EXOC4: variants seen among roughly 807,000 people sequenced by gnomAD.
The protein encoded by EXOC4 is SEC8-like 1.
A neutral mutation model predicts 107.2 loss-of-function variants in EXOC4; 71 were observed. That is an observed-to-expected ratio of 0.66 (90% confidence interval 0.55 to 0.81). EXOC4 has a LOEUF of 0.81. Among genes scored for constraint, EXOC4 ranks in the 30% least tolerant of loss-of-function variants. The pLI, the probability that EXOC4 is intolerant of heterozygous loss-of-function variation, is 0.00. For missense variants in EXOC4, 1,108 were observed against 1,189.6 expected (o/e 0.93, Z 1.01); for synonymous variants, 456 against 441.2 (o/e 1.03, Z -0.42).
At position 134,004,930 on chromosome 7, in the gene EXOC4, T is replaced by A. The variant is rs1326632134; in HGVS notation, c.2367T>A (p.Tyr789Ter). The change falls in exon 16 of 18, where the codon TAT becomes TAA. Residue 789 changes from tyrosine (Y) to a stop codon, truncating the protein, a stop_gained. Coordinates refer to ENST00000253861, the MANE Select transcript of EXOC4 (RefSeq NM_021807.4). LOFTEE classifies it high-confidence loss of function. ...HLEVRVHCFHYLIPLAKEGNY... is the reference protein window; with the variant it reads ...HLEVRVHCFH ...TTTTCAGGGTTCACTGTTTCCACTA[T>A]CTTATCCCTCTTGCAAAGGAGGGGA... 1.2e-6 allele frequency: 2 copies of A among 1,613,212 alleles called. No individual in the cohort carries two copies. Among genetic ancestry groups the A allele is most frequent in the Non-Finnish European group, 1.7e-6 (2 of 1,179,428 alleles).
intron 5 of EXOC4, among the ~76,000 whole-genome samples, chr7:133,346,951 C>A (rs888080462): frequency 1.3e-5 from 2 of 151,924 alleles, no homozygotes; most frequent in African/African-American, 2.4e-5. Context: ...AGTATATCAC[C>A]AGGGCCCTTA....
rs541740108 is a variant in EXOC4 at position 133,476,111 on chromosome 7, A to G, written c.1328+638A>G. 7.2e-5 allele frequency among the ~76,000 whole-genome samples: 11 copies of G among 152,310 alleles called. 1 individual carries two copies. In the East Asian group the frequency reaches 1.9e-3, roughly 27 times the overall value. On this transcript the variant is annotated intron_variant, in intron 8 of 17. Coordinates refer to ENST00000253861, the MANE Select transcript of EXOC4 (RefSeq NM_021807.4). ...TTTCCCAAAATAATCTCAGTTAAAC[A>G]TACTTTAAATTTGAGTATACTAAAT...
intron 2 of EXOC4, among the ~76,000 whole-genome samples, chr7:133,275,503 C>G (rs778988742): frequency 7.2e-5 from 11 of 152,186 alleles, no homozygotes; most frequent in Non-Finnish European, 1.2e-4. Flanking sequence ...TTGTATTCTC[C>G]ATTCTCATTC....
At chr7:133,615,658 A>G (rs1353804673) in intron 9 of EXOC4, among the ~76,000 whole-genome samples, 1 of 152,124 alleles carries the variant, frequency 6.6e-6, no homozygotes, top group Non-Finnish European at 1.5e-5. Context: ...CGATTGAGAT[A>G]AAAAGTGTTT....
At chr7:133,684,510 G>A (rs1212736181) in intron 10 of EXOC4, among the ~76,000 whole-genome samples, 1 of 151,872 alleles carries the variant, frequency 6.6e-6, no homozygotes, top group East Asian at 1.9e-4. Context: ...CTATGTCTAA[G>A]AAAATGCAAG....
chr7:133,823,874 A>T (rs1426275868), intron 11 of EXOC4, among the ~76,000 whole-genome samples: 15 of 9,066 alleles, frequency 1.7e-3, no homozygotes, highest in South Asian at 4.6e-3. Context: ...TATATATATT[A>T]TATATATATA....
At chr7:133,674,295 C>T (rs1475249449) in intron 10 of EXOC4, among the ~76,000 whole-genome samples, 3 of 152,104 alleles carry the variant, frequency 2.0e-5, no homozygotes, top group East Asian at 3.9e-4. Flanking sequence ...CATTCCCCAC[C>T]CAGTGGGCTT....
At chr7:134,099,244 G>A in the EXOC4 span, among the ~76,000 whole-genome samples, 3 of 152,064 alleles carry the variant, frequency 2.0e-5, no homozygotes, top group African/African-American at 7.2e-5. Flanking sequence ...CCAACATTGT[G>A]GCACTTTGGC....
intron 10 of EXOC4, among the ~76,000 whole-genome samples, chr7:133,786,700 T>C (rs935040084): frequency 3.9e-5 from 6 of 152,226 alleles, no homozygotes; most frequent in Non-Finnish European, 5.9e-5. Flanking sequence ...CTGACCTTTA[T>C]TCAACTGTTT....
chr7:133,369,800 C>CTTTTTTTTTTTTTTTTTTTTTTTTTTTTT (rs35258276), intron 6 of EXOC4, among the ~76,000 whole-genome samples: 3 of 86,640 alleles, frequency 3.5e-5, no homozygotes, highest in Non-Finnish European at 6.4e-5. Flanking sequence ...ACTAGATTTC[C>CTTTTTTTTTTTTTTTTTTTTTTTTTTTTT]TTTTTTTTTT....
intron 9 of EXOC4, among the ~76,000 whole-genome samples, chr7:133,499,704 C>T (rs1028077728): frequency 2.6e-5 from 4 of 152,086 alleles, no homozygotes; most frequent in African/African-American, 4.8e-5. Context: ...GCGGAGTTCT[C>T]GTGTAAGCTT....
intron 9 of EXOC4, among the ~76,000 whole-genome samples, chr7:133,544,229 T>A (rs1350695256): frequency 8.7e-6 from 1 of 115,418 alleles, no homozygotes; most frequent in Non-Finnish European, 1.9e-5. Context: ...TTCTTTGAAT[T>A]TTTTTTTCAG....
chr7:133,281,955 G>C (rs2150534286), intron 2 of EXOC4, among the ~76,000 whole-genome samples: 1 of 152,108 alleles, frequency 6.6e-6, no homozygotes, highest in East Asian at 1.9e-4. Flanking sequence ...TGCCCAACTT[G>C]GCCTCCCAAA....
intron 6 of EXOC4, 144 bp downstream of exon 6, chr7:133,356,717 A>C: frequency 5.2e-5 from 49 of 947,638 alleles, no homozygotes; most frequent in Non-Finnish European, 6.8e-5. Context: ...GCAGTGGCTC[A>C]CGCCTGTTAT....
the EXOC4 span, among the ~76,000 whole-genome samples, chr7:134,078,343 T>C: frequency 6.6e-6 from 1 of 151,312 alleles, no homozygotes; most frequent in Non-Finnish European, 1.5e-5. Flanking sequence ...ATCTATAATA[T>C]TATAGAGATT....
chr7:133,866,557 A>G (rs186722385), intron 11 of EXOC4, among the ~76,000 whole-genome samples: 78 of 152,280 alleles, frequency 5.1e-4, no homozygotes, highest in East Asian at 3.1e-3. Flanking sequence ...AGGCTGGGCA[A>G]TGGGATTGGT....
chr7:133,630,376 C>G (rs568738084), intron 10 of EXOC4, among the ~76,000 whole-genome samples: 3 of 152,064 alleles, frequency 2.0e-5, no homozygotes, highest in Non-Finnish European at 4.4e-5. Context: ...TTCACACTCG[C>G]TACCTCTGTC....
intron 11 of EXOC4, among the ~76,000 whole-genome samples, chr7:133,884,355 G>A (rs554530236): frequency 6.6e-6 from 1 of 152,210 alleles, no homozygotes; most frequent in African/African-American, 2.4e-5. Flanking sequence ...CCTCCACCTG[G>A]CAACCTTAAT....
rs79597467 is a variant in EXOC4, at chr7:133,826,459, G to A, written c.1734+8915G>A. On this transcript the variant is annotated intron_variant, in intron 11 of 17. Transcript: ENST00000253861. Reference sequence around the variant, plus strand: ...GACCTTAGACAAGTCCAAGCTACTTGTCTTGTCTGAGCTTCCCCTCTCTCA... The same window carrying A: ...GACCTTAGACAAGTCCAAGCTACTTATCTTGTCTGAGCTTCCCCTCTCTCA... Among the ~76,000 whole-genome samples, 734 of 152,232 alleles carry A rather than the reference G, an allele frequency of 4.8e-3. 3 individuals carry two copies. The highest frequency in any genetic ancestry group is 0.017 in the Middle Eastern group (5 of 294).
Sources: gnomAD v4.1 joint callset for allele counts (sites outside exome capture counted in the v4.1 genomes callset) on GRCh38, gnomAD v4.1.1 for gene constraint, MANE v1.5 for transcripts, NCBI Gene and HGNC (gene_info 2026-07-23, HGNC 2026-07-21) for gene names.